GADL1: variants seen among roughly 807,000 people sequenced by gnomAD.
GADL1 encodes the protein GAD like acidic amino acid decarboxylase 1.
A neutral mutation model predicts 69.5 loss-of-function variants in GADL1; 71 were observed. That is an observed-to-expected ratio of 1.02 (90% CI 0.84 to 1.25). The LOEUF is 1.25. GADL1 is among the 50% of genes most tolerant of loss of function. The probability of loss-of-function intolerance (pLI) is 0.00; values close to 1 mark genes in which losing one functional copy is unlikely to be tolerated. For missense variants in GADL1, 737 were observed against 631.8 expected (o/e 1.17, Z -1.79); for synonymous variants, 254 against 214.4 (o/e 1.18, Z -1.62).
chr3:30,886,572 GA>G (rs1410165816), intron 1 of GADL1, among the ~76,000 whole-genome samples: 2 of 152,148 alleles, frequency 1.3e-5, no homozygotes, highest in South Asian at 4.1e-4. Flanking sequence ...ATCATTGAAG[GA>G]GGGGACTCTG....
chr3:30,794,841 C>G (rs1018915504), intron 12 of GADL1, among the ~76,000 whole-genome samples: 1 of 152,132 alleles, frequency 6.6e-6, no homozygotes, highest in African/African-American at 2.4e-5. Context: ...AAATCTCATC[C>G]TTAAATCTTA....
chr3:30,878,586 T>G (rs2125543944), intron 1 of GADL1, among the ~76,000 whole-genome samples: 1 of 152,026 alleles, frequency 6.6e-6, no homozygotes, highest in Non-Finnish European at 1.5e-5. Flanking sequence ...AATGCATAAC[T>G]TATCTACTGA....
chr3:30,855,382 T>C (rs1313050521), intron 3 of GADL1, among the ~76,000 whole-genome samples: 1 of 151,984 alleles, frequency 6.6e-6, no homozygotes, highest in Non-Finnish European at 1.5e-5. Flanking sequence ...TTTCTGAAAA[T>C]ATCAATATTA....
intron 12 of GADL1, among the ~76,000 whole-genome samples, chr3:30,793,018 C>T (rs1057022568): frequency 6.6e-6 from 1 of 152,136 alleles, no homozygotes; most frequent in East Asian, 1.9e-4. Flanking sequence ...TTAAAAAATG[C>T]TTCTATATTA....
intron 14 of GADL1, among the ~76,000 whole-genome samples, chr3:30,760,080 T>C (rs1696092002): frequency 6.6e-6 from 1 of 152,230 alleles, no homozygotes; most frequent in South Asian, 2.1e-4. Context: ...GTTTTGTGAT[T>C]GTTTCACAGT....
At chr3:30,855,161 A>G (rs1401806914) in intron 3 of GADL1, among the ~76,000 whole-genome samples, 1 of 152,096 alleles carries the variant, frequency 6.6e-6, no homozygotes, top group Non-Finnish European at 1.5e-5. Flanking sequence ...CATTCTAAAA[A>G]AATCCAAAAC....
At chr3:30,774,292 T>C (rs1341609977) in intron 14 of GADL1, among the ~76,000 whole-genome samples, 1 of 152,164 alleles carries the variant, frequency 6.6e-6, no homozygotes, top group Non-Finnish European at 1.5e-5. Flanking sequence ...CTTTCAAATG[T>C]CCTAGTAGAA....
intron 2 of GADL1, among the ~76,000 whole-genome samples, chr3:30,858,363 G>T (rs954991069): frequency 3.3e-5 from 5 of 151,964 alleles, no homozygotes; most frequent in African/African-American, 1.2e-4. Flanking sequence ...TTGTGTTTGG[G>T]GCAATAGCTT....
At chr3:30,761,151 CTTT>C (rs1696119519) in intron 14 of GADL1, among the ~76,000 whole-genome samples, 1 of 152,122 alleles carries the variant, frequency 6.6e-6, no homozygotes, top group East Asian at 1.9e-4. Context: ...ATATTGTATG[CTTT>C]ATTTACTTTA....
At chr3:30,770,227 C>T (rs1442621290) in intron 14 of GADL1, among the ~76,000 whole-genome samples, 1 of 152,184 alleles carries the variant, frequency 6.6e-6, no homozygotes, top group African/African-American at 2.4e-5. Context: ...GGGTTTGCAA[C>T]TCGACTGAGT....
At chr3:30,836,028 T>C (rs754234854) in intron 9 of GADL1, among the ~76,000 whole-genome samples, 4 of 152,088 alleles carry the variant, frequency 2.6e-5, no homozygotes, top group Admixed American at 6.6e-5. Flanking sequence ...ATGTGTTACA[T>C]ATCACATTTT....
At chr3:30,780,363 T>G (rs757808812) in intron 13 of GADL1, among the ~76,000 whole-genome samples, 2 of 152,148 alleles carry the variant, frequency 1.3e-5, no homozygotes, top group Non-Finnish European at 2.9e-5. Context: ...GGTCTAGACC[T>G]CAGTCCTGGG....
chr3:30,756,191 T>C (rs1252384865), intron 14 of GADL1, among the ~76,000 whole-genome samples: 2 of 152,184 alleles, frequency 1.3e-5, no homozygotes, highest in Non-Finnish European at 2.9e-5. Context: ...GATAAAATGT[T>C]TTTATGGACC....
chr3:30,821,578 A>G (rs1384919078), intron 11 of GADL1, among the ~76,000 whole-genome samples: 1 of 152,014 alleles, frequency 6.6e-6, no homozygotes, highest in East Asian at 1.9e-4. Context: ...TAAGATCTGA[A>G]TAAATATTAC....
intron 14 of GADL1, among the ~76,000 whole-genome samples, chr3:30,773,699 G>T (rs1330287769): frequency 2.0e-5 from 3 of 152,128 alleles, no homozygotes; most frequent in African/African-American, 7.2e-5. Context: ...CTTTATAGTT[G>T]AATAGTTTCT....
intron 11 of GADL1, among the ~76,000 whole-genome samples, chr3:30,824,527 G>A (rs920099411): frequency 6.6e-6 from 1 of 151,372 alleles, no homozygotes; most frequent in African/African-American, 2.4e-5. Context: ...TTTTATAAAA[G>A]CCTTGAAATA....
intron 6 of GADL1, among the ~76,000 whole-genome samples, chr3:30,847,307 T>A (rs1166673684): frequency 2.6e-5 from 4 of 151,892 alleles, no homozygotes; most frequent in African/African-American, 7.2e-5. Flanking sequence ...ACACCTTCAG[T>A]GGTGGGTACG....
At chr3:30,778,369 T>C in intron 13 of GADL1, 101 bp from the exon 14 acceptor site, 1 of 731,740 alleles carries the variant, frequency 1.4e-6, no homozygotes, top group Non-Finnish European at 2.3e-6. Context: ...AGAGTTATCA[T>C]GTGTATAAAA....
At chr3:30,794,557 T>G (rs1183356199) in intron 12 of GADL1, among the ~76,000 whole-genome samples, 2 of 152,218 alleles carry the variant, frequency 1.3e-5, no homozygotes, top group African/African-American at 4.8e-5. Context: ...TGCTTTAGGC[T>G]CTCAGTGTCA....
Sources: gnomAD v4.1 joint callset for allele counts (sites outside exome capture counted in the v4.1 genomes callset) on GRCh38, gnomAD v4.1.1 for gene constraint, MANE v1.5 for transcripts, NCBI Gene and HGNC (gene_info 2026-07-23, HGNC 2026-07-21) for gene names.